PCNX2: variants seen among roughly 807,000 people sequenced by gnomAD.
PCNX2 encodes the protein pecanex-like protein 2.
Under a neutral mutation model 223.8 loss-of-function variants are expected in PCNX2, and 168 were observed. That is an observed-to-expected ratio of 0.75 (90% CI 0.66 to 0.85). PCNX2 has a LOEUF of 0.85. Ranked by LOEUF, PCNX2 falls within the 40% of genes least tolerant of loss-of-function variation. PCNX2 has a pLI of 0.00. For missense variants in PCNX2, 2,507 were observed against 2,675.5 expected, an observed-to-expected ratio of 0.94 and a Z score of 1.39; for synonymous variants, 1,006 against 1,052.6, an observed-to-expected ratio of 0.96 and a Z score of 0.86.
intron 15 of PCNX2, among the ~76,000 whole-genome samples, chr1:233,182,769 T>A (rs939081472): frequency 1.4e-4 from 21 of 152,146 alleles, no homozygotes; most frequent in African/African-American, 5.1e-4. Flanking sequence ...CCTGGTGAAC[T>A]CCTACCCATG....
At position 233,258,322 on chromosome 1, in the gene PCNX2, G is replaced by C. The variant is rs370223177; in HGVS notation, c.1540C>G (p.Leu514Val). The C allele has an allele frequency of 3.7e-6, 6 of 1,613,902 alleles. No homozygotes were observed. The African/African-American group carries it at 6.7e-5, about 18-fold the overall frequency. The change falls in exon 5 of 34, where the codon CTT becomes GTT. Residue 514 changes from leucine (L) to valine (V), a missense_variant. This residue lies in a region of PCNX2 where 1,031 missense variants were observed against 1,021.7 expected (regional missense o/e 1.01). Transcript: ENST00000258229. ...CTGGACTTACAAGACGATGGGTCAA[G>C]GTTAGTCTGGCCTTCCTTCCCCACC... ...SKVGKEGQTN[L>V]DPSSCKSSHE...
chr1:233,057,740 C>T (rs1441072129), intron 23 of PCNX2: 1 of 291,564 alleles, frequency 3.4e-6, no homozygotes, highest in East Asian at 1.7e-4. Context: ...TGTGTGGTGG[C>T]ACACTCCTAT....
chr1:233,138,489 G>T (rs1173320391), intron 20 of PCNX2, among the ~76,000 whole-genome samples: 1 of 152,152 alleles, frequency 6.6e-6, no homozygotes, highest in African/African-American at 2.4e-5. Context: ...TCCCATTCGA[G>T]AAACTGAGGC....
At chr1:233,082,780 T>G (rs552948622) in intron 23 of PCNX2, among the ~76,000 whole-genome samples, 1 of 152,342 alleles carries the variant, frequency 6.6e-6, no homozygotes, top group African/African-American at 2.4e-5. Context: ...AAAAATAAAC[T>G]GTGAAGTTGA....
chr1:233,195,218 A>G (rs1474231042), intron 15 of PCNX2, among the ~76,000 whole-genome samples: 1 of 152,172 alleles, frequency 6.6e-6, no homozygotes, highest in African/African-American at 2.4e-5. Flanking sequence ...AAAAAAAATC[A>G]ATATGGTCTT....
chr1:232,983,995 C>T lies in PCNX2; in HGVS notation c.*309G>A, dbSNP rs1380001156. On this transcript the variant is annotated 3_prime_UTR_variant, in exon 34 of 34. Coordinates refer to ENST00000258229, the MANE Select transcript of PCNX2 (RefSeq NM_014801.4). ...ATTCTGGAACATGTGTGGTGCTGTC[C>T]GCGGTGTGCCGCTCTGGGCAGCGCT... 5 of 246,682 alleles carry T rather than the reference C, an allele frequency of 2.0e-5. No individual in the cohort carries two copies. The highest frequency in any genetic ancestry group is 5.5e-5 in the Admixed American group (1 of 18,042). 15.3% of individuals were successfully genotyped at this position (246,682 alleles called of 1,614,324 possible).
At chr1:233,319,277 T>C in the PCNX2 span, among the ~76,000 whole-genome samples, 1 of 152,058 alleles carries the variant, frequency 6.6e-6, no homozygotes, top group African/African-American at 2.4e-5. Context: ...ACGTCAGAGG[T>C]TTCTTCACCA....
At position 233,258,879 on chromosome 1, in the gene PCNX2, TC is replaced by T; in HGVS notation, c.982del (p.Asp328ThrfsTer6). On this transcript the variant is annotated frameshift_variant, in exon 5 of 34. Transcript: ENST00000258229. LOFTEE classifies it high-confidence loss of function. Reference protein sequence around the residue: ...IVAKPVEEPADTSCQVDTSCQ... With the variant: ...IVAKPVEEPAXTSCQVDTSCQ... ...GGAGGTATCTACCTGACAGGATGTG[TC>T]TGCTGGCTCCTCCACAGGCTTGGCC... The T allele has an allele frequency of 6.2e-7, 1 of 1,613,926 alleles. No homozygotes were observed. The highest frequency in any genetic ancestry group is 8.5e-7 in the Non-Finnish European group (1 of 1,179,870).
chr1:233,241,214 A>G (rs1658741565), intron 8 of PCNX2: 1 of 985,404 alleles, frequency 1.0e-6, no homozygotes, highest in Non-Finnish European at 1.2e-6. Context: ...TCGGAGAAAA[A>G]GGCAGCAACA....
At chr1:233,286,809 T>G (rs1432974294) in intron 1 of PCNX2, among the ~76,000 whole-genome samples, 1 of 151,890 alleles carries the variant, frequency 6.6e-6, no homozygotes, top group African/African-American at 2.4e-5. Context: ...CTTCCTGCTC[T>G]CCAAAGCCAA....
chr1:233,162,711 A>C (rs1678567792), intron 17 of PCNX2, among the ~76,000 whole-genome samples: 1 of 152,184 alleles, frequency 6.6e-6, no homozygotes, highest in African/African-American at 2.4e-5. Flanking sequence ...TCTGTAATTC[A>C]CTGCATCTTT....
At position 233,259,202 on chromosome 1, in the gene PCNX2, T is replaced by C; in HGVS notation, c.660A>G (p.Thr220=). 1 of 1,614,036 alleles carries C rather than the reference T, an allele frequency of 6.2e-7. No individual in the cohort carries two copies. Among genetic ancestry groups the C allele is most frequent in the Non-Finnish European group, 8.5e-7 (1 of 1,179,898 alleles). ...TTCCTTTACCATTGATGAGAGTTTC[T>C]GTGGCAACTGGTTTTACAGGTATTA... ...KSVIPVKPVA[T]ETLINGKGKE... The change falls in exon 5 of 34, where the codon ACA becomes ACG. Residue 220 remains threonine (T), a synonymous_variant. Coordinates refer to ENST00000258229, the MANE Select transcript of PCNX2 (RefSeq NM_014801.4).
intron 21 of PCNX2, among the ~76,000 whole-genome samples, chr1:233,097,058 A>C (rs1411636884): frequency 6.6e-6 from 1 of 152,204 alleles, no homozygotes; most frequent in African/African-American, 2.4e-5. Flanking sequence ...AAGTAGAATA[A>C]AACATTATTG....
chr1:233,301,250 A>G, the PCNX2 span, among the ~76,000 whole-genome samples: 1 of 152,254 alleles, frequency 6.6e-6, no homozygotes, highest in Non-Finnish European at 1.5e-5. Flanking sequence ...GGTCCTTTAA[A>G]ATTATAATTG....
chr1:233,203,047 A>C (rs1398409969), intron 13 of PCNX2, among the ~76,000 whole-genome samples: 2 of 152,320 alleles, frequency 1.3e-5, no homozygotes, highest in South Asian at 4.1e-4. Flanking sequence ...TGGCTACAAA[A>C]GAGAATAAAA....
the PCNX2 span, among the ~76,000 whole-genome samples, chr1:233,325,160 T>C: frequency 6.6e-6 from 1 of 152,134 alleles, no homozygotes; most frequent in African/African-American, 2.4e-5. Flanking sequence ...TGCTCTGCTA[T>C]GAGATATGGG....
chr1:233,318,563 CTTTTTTTTTTTT>C, the PCNX2 span, among the ~76,000 whole-genome samples: 2 of 92,504 alleles, frequency 2.2e-5, no homozygotes, highest in South Asian at 7.1e-4. Flanking sequence ...TTTTCTTTTT[CTTTTTTTTTTTT>C]TTTTTTTTGA....
At chr1:233,115,364 C>T (rs980817010) in intron 21 of PCNX2, among the ~76,000 whole-genome samples, 6 of 152,064 alleles carry the variant, frequency 3.9e-5, no homozygotes, top group Non-Finnish European at 8.8e-5. Context: ...CGCTACAAGA[C>T]ATAAACCGTT....
chr1:232,989,193 G>A lies in PCNX2; in HGVS notation c.5792-2653C>T, dbSNP rs540576375. On this transcript the variant is annotated intron_variant, in intron 32 of 33. Coordinates refer to ENST00000258229, the MANE Select transcript of PCNX2 (RefSeq NM_014801.4). ...CACTCGGCCGGGCACGGTGGCTCAC[G>A]CCTGTAATCCCAGCACTTTGGGAGG... 2.6e-5 allele frequency among the ~76,000 whole-genome samples: 4 copies of A among 152,242 alleles called. No homozygotes were observed. The South Asian group carries it at 6.2e-4, about 24-fold the overall frequency.
Sources: allele counts gnomAD v4.1 joint callset (sites outside exome capture counted in the v4.1 genomes callset), GRCh38; gene constraint gnomAD v4.1.1; regional missense constraint gnomAD v4.1.1; transcripts MANE v1.5; gene names NCBI Gene and HGNC (gene_info 2026-07-23, HGNC 2026-07-21).